Variants in CFAP47 observed in about 807,000 individuals in gnomAD.
CFAP47 encodes the protein cilia- and flagella-associated protein 47.
In CFAP47, 29 loss-of-function variants were observed where a neutral mutation model predicts 148.1. The ratio of observed to expected loss-of-function variants is 0.20; its 90% CI spans 0.15 to 0.27. The LOEUF is 0.27. Ranked by LOEUF, CFAP47 falls within the 10% of genes least tolerant of loss-of-function variation. The pLI, the probability that CFAP47 is intolerant of heterozygous loss-of-function variation, is 1.00. For synonymous variants in CFAP47, 664 were observed against 577.3 expected, an observed-to-expected ratio of 1.15 and a Z score of -2.15; for missense variants, 1,872 against 1,697.5, an observed-to-expected ratio of 1.10 and a Z score of -1.81.
chrX:36,322,911 G>GT, intron 57 of CFAP47, among the ~76,000 whole-genome samples: 1 of 110,993 alleles, frequency 9.0e-6, no homozygotes, highest in South Asian at 3.7e-4. Flanking sequence ...AGTTGTAGGA[G>GT]TTTTTCTGCT....
chrX:36,049,926 T>C (rs910897814), intron 26 of CFAP47, among the ~76,000 whole-genome samples: 2 of 111,273 alleles, frequency 1.8e-5, no homozygotes, highest in Admixed American at 9.6e-5. Context: ...GTTCATGTGA[T>C]AGTGAATAAG....
At chrX:36,204,216 C>T (rs985104188) in intron 44 of CFAP47, among the ~76,000 whole-genome samples, 2 of 111,260 alleles carry the variant, frequency 1.8e-5, no homozygotes, top group African/African-American at 3.3e-5. Context: ...TTCACTCTGA[C>T]GGTGGTTTCT....
chrX:36,248,470 G>A lies in CFAP47; in HGVS notation c.7333-2863G>A, dbSNP rs183573006. On this transcript the variant is annotated intron_variant, in intron 48 of 63. Coordinates refer to ENST00000378653, the MANE Select transcript of CFAP47 (RefSeq NM_001304548.2). Reference sequence around the variant, plus strand: ...TATAACATAAAGAAAGCATAGAAAAGTATTTTAAAAATATCACATATTATA... The same window carrying A: ...TATAACATAAAGAAAGCATAGAAAAATATTTTAAAAATATCACATATTATA... 7.4e-3 allele frequency among the ~76,000 whole-genome samples: 713 copies of A among 96,323 alleles called. 11 individuals carry two copies. Among genetic ancestry groups the A allele is most frequent in the African/African-American group, 0.027 (676 of 25,194 alleles). The allele number at this position is 96,323 out of a possible 115,157, so 83.6% of individuals were successfully genotyped here.
chrX:36,121,391 T>C (rs1210928050), intron 33 of CFAP47, among the ~76,000 whole-genome samples: 1 of 111,428 alleles, frequency 9.0e-6, no homozygotes, highest in Non-Finnish European at 1.9e-5. Flanking sequence ...AAGTACTTAC[T>C]CCTGCCATTT....
chrX:36,159,319 T>C, intron 37 of CFAP47, 107 bp from the exon 38 acceptor site: 2 of 290,738 alleles, frequency 6.9e-6, no homozygotes, highest in South Asian at 2.3e-4. Context: ...CTGAAGTGAG[T>C]ACCTTGCAGG....
Position 35,970,748 on chromosome X carries a change from A to T in CFAP47, c.1815-20A>T, listed in dbSNP as rs776739099. On this transcript the variant is annotated intron_variant, in intron 10 of 63. Coordinates refer to ENST00000378653, the MANE Select transcript of CFAP47 (RefSeq NM_001304548.2). ...CAAATGCATATATAAAAATATTAAC[A>T]TGACTTGCTTATATTGCAGGCCAAT... is the stretch of plus-strand genomic sequence containing the variant. The T allele has an allele frequency of 1.8e-6, 2 of 1,132,010 alleles. No homozygotes were observed. The highest frequency in any genetic ancestry group is 6.1e-5 in the East Asian group (2 of 32,761). The allele number at this position is 1,132,010 out of a possible 1,213,427, so 93.3% of individuals were successfully genotyped here. A position where few individuals can be genotyped will look rare whatever the true frequency, so the allele number is the denominator to read the frequency against.
At chrX:36,233,107 G>T (rs1168451215) in intron 46 of CFAP47, among the ~76,000 whole-genome samples, 3 of 111,858 alleles carry the variant, frequency 2.7e-5, no homozygotes, top group Non-Finnish European at 3.8e-5. Flanking sequence ...TTGGGGTGGA[G>T]AGTTCTGTAG....
At chrX:36,170,039 A>G (rs1211560847) in intron 39 of CFAP47, among the ~76,000 whole-genome samples, 1 of 111,653 alleles carries the variant, frequency 9.0e-6, no homozygotes, top group Non-Finnish European at 1.9e-5. Flanking sequence ...ACAGAGTTTT[A>G]CAACTTCCGT....
chrX:36,297,606 G>C (rs1253754920), intron 51 of CFAP47, among the ~76,000 whole-genome samples: 2 of 111,591 alleles, frequency 1.8e-5, no homozygotes, highest in Non-Finnish European at 3.8e-5. Context: ...CATTAGCCAG[G>C]ATGGGTCAGT....
At chrX:35,924,223 G>A (rs1935668543) in intron 1 of CFAP47, among the ~76,000 whole-genome samples, 2 of 102,082 alleles carry the variant, frequency 2.0e-5, no homozygotes, top group Non-Finnish European at 3.9e-5. Context: ...GTGCATGTAT[G>A]TGTATATATG....
chrX:36,288,061 C>T (rs782568091), intron 51 of CFAP47, among the ~76,000 whole-genome samples: 3 of 112,061 alleles, frequency 2.7e-5, no homozygotes, highest in East Asian at 2.8e-4. Context: ...TAAGCCATCT[C>T]TTATTTTTTT....
At chrX:36,064,765 T>C (rs1274107942) in intron 26 of CFAP47, among the ~76,000 whole-genome samples, 2 of 111,841 alleles carry the variant, frequency 1.8e-5, no homozygotes, top group Non-Finnish European at 3.8e-5. Context: ...GATATAGATA[T>C]AAAATATAGC....
At chrX:35,964,671 A>G (rs765398647) in intron 8 of CFAP47, among the ~76,000 whole-genome samples, 1 of 111,162 alleles carries the variant, frequency 9.0e-6, no homozygotes, top group South Asian at 3.7e-4. Flanking sequence ...TCTCTCTTCA[A>G]TGTGAATAAT....
intron 2 of CFAP47, 149 bp downstream of exon 2, chrX:35,926,317 A>G: frequency 2.7e-6 from 1 of 367,523 alleles, no homozygotes; most frequent in African/African-American, 2.6e-5. Context: ...TGTTTGTAAG[A>G]AATGAAACCT....
chrX:36,199,481 T>C (rs1939953376), intron 42 of CFAP47, among the ~76,000 whole-genome samples: 1 of 111,888 alleles, frequency 8.9e-6, no homozygotes, highest in Non-Finnish European at 1.9e-5. Flanking sequence ...AACATTAATA[T>C]AGAGAGGTTA....
chrX:35,975,836 A>G lies in CFAP47; in HGVS notation c.2636A>G (p.Gln879Arg), dbSNP rs1936562927. The change falls in exon 15 of 64, where the codon CAG (glutamine) becomes CGG (arginine). Residue 879 changes from glutamine to arginine, a missense_variant. Physicochemically the swap from Gln to Arg is conservative, Grantham distance 43. Coordinates refer to ENST00000378653, the MANE Select transcript of CFAP47 (RefSeq NM_001304548.2). The part of the protein sequence containing the change: ...FRGTVRLYNR[Q>R]NCCAQFQWQP... ...GGGACAGTTAGATTGTATAATCGTC[A>G]GAATTGTTGTGCTCAGTTTCAATGG... is the stretch of plus-strand genomic sequence containing the variant. 3.3e-6 allele frequency: 4 copies of G among 1,210,014 alleles called. No homozygotes were observed. The highest frequency in any genetic ancestry group is 3.4e-6 in the Non-Finnish European group (3 of 893,834).
intron 57 of CFAP47, among the ~76,000 whole-genome samples, chrX:36,344,876 C>T (rs1266641741): frequency 9.0e-6 from 1 of 111,685 alleles, no homozygotes; most frequent in East Asian, 2.8e-4. Flanking sequence ...ATAATGAAAT[C>T]TCCATAAACT....
chrX:35,960,380 GA>G (rs1188987905), intron 8 of CFAP47, among the ~76,000 whole-genome samples: 922 of 15,437 alleles, frequency 0.06, no homozygotes, highest in Non-Finnish European at 0.085. Flanking sequence ...GCTAATTTCT[GA>G]AAAAAAAAAA....
chrX:35,998,287 C>T (rs1936872212), intron 19 of CFAP47, among the ~76,000 whole-genome samples: 1 of 111,317 alleles, frequency 9.0e-6, no homozygotes, highest in Non-Finnish European at 1.9e-5. Flanking sequence ...AGAGTGCACA[C>T]ACACAGACAA....
Sources: allele counts gnomAD v4.1 joint callset (sites outside exome capture counted in the v4.1 genomes callset), GRCh38; gene constraint gnomAD v4.1.1; transcripts MANE v1.5; gene names NCBI Gene and HGNC (gene_info 2026-07-23, HGNC 2026-07-21).